STX12: variants seen among roughly 807,000 people sequenced by gnomAD.
STX12 encodes syntaxin 12.
In STX12, 17 loss-of-function variants were observed where a neutral mutation model predicts 42.2. The observed-to-expected ratio is 0.40, with a 90% CI of 0.28 to 0.60. STX12 has a LOEUF of 0.60. Among genes scored for constraint, STX12 ranks in the 20% least tolerant of loss-of-function variants. The pLI, the probability that STX12 is intolerant of heterozygous loss-of-function variation, is 0.39. For synonymous variants in STX12, 108 were observed against 116.7 expected (o/e 0.93, Z 0.48); for missense variants, 297 against 330.9 (o/e 0.90, Z 0.79).
rs1182966230 is a variant in STX12 at position 27,824,001 on chromosome 1, A to G, written c.*1672A>G. ...AAGGCTGAGGCGGGAGGATCAGTATATCGGTACGTCTGAGCCCAAGAGTTC... is the reference window on the plus strand; with the variant it reads ...AAGGCTGAGGCGGGAGGATCAGTATGTCGGTACGTCTGAGCCCAAGAGTTC... On this transcript the variant is annotated 3_prime_UTR_variant, in exon 9 of 9. Transcript: ENST00000373943. 6.6e-6 allele frequency: 1 copy of G among 152,072 alleles called. No homozygotes were observed. Among genetic ancestry groups the G allele is most frequent in the Non-Finnish European group, 1.5e-5 (1 of 68,026 alleles). 9.4% of individuals were successfully genotyped at this position (152,072 alleles called of 1,614,324 possible).
chr1:27,782,205 T>A (rs2088671919), intron 1 of STX12, among the ~76,000 whole-genome samples: 1 of 152,094 alleles, frequency 6.6e-6, no homozygotes, highest in African/African-American at 2.4e-5. Context: ...ACTCAAGGGA[T>A]CCCCCCACCT....
intron 4 of STX12, among the ~76,000 whole-genome samples, chr1:27,803,154 G>C (rs2148603932): frequency 1.3e-5 from 2 of 152,230 alleles, no homozygotes; most frequent in South Asian, 4.1e-4. Context: ...GAACAGAGGT[G>C]ATATTTGAAG....
At chr1:27,802,898 G>A (rs1344311564) in intron 4 of STX12, among the ~76,000 whole-genome samples, 1 of 151,974 alleles carries the variant, frequency 6.6e-6, no homozygotes, top group Non-Finnish European at 1.5e-5. Context: ...ACCTCTGCAG[G>A]AAACTACACA....
At position 27,773,902 on chromosome 1, in the gene STX12, A is replaced by G. The variant is rs1571512844; in HGVS notation, c.118+477A>G. The G allele has an allele frequency of 1.8e-5, 3 of 162,192 alleles. No individual in the cohort carries two copies. In the East Asian group the frequency reaches 5.2e-4, roughly 28 times the overall value. 10.0% of individuals were successfully genotyped at this position (162,192 alleles called of 1,614,324 possible). On this transcript the variant is annotated intron_variant, in intron 1 of 8. Transcript: ENST00000373943. Reference sequence around the variant, plus strand: ...GCTCCTCGGAAATCAGCAACTTTCAATTAAGGGAAGTGGAGAGTGCATGTG... The same window carrying G: ...GCTCCTCGGAAATCAGCAACTTTCAGTTAAGGGAAGTGGAGAGTGCATGTG...
chr1:27,811,340 C>G (rs893262423), intron 5 of STX12, among the ~76,000 whole-genome samples: 15 of 150,246 alleles, frequency 1.0e-4, no homozygotes, highest in African/African-American at 2.7e-4. Flanking sequence ...CATGGTGGCT[C>G]AAGCCTGTAA....
rs1388028967 is a variant in STX12 at position 27,813,240 on chromosome 1, A to G, written c.576+972A>G. ...GCCCAGGCAGGAGTGCAATGACACTATCTCAGCTTACTGCAGCCTCCCTCT... is the reference window on the plus strand; with the variant it reads ...GCCCAGGCAGGAGTGCAATGACACTGTCTCAGCTTACTGCAGCCTCCCTCT... On this transcript the variant is annotated intron_variant, in intron 6 of 8. Coordinates refer to ENST00000373943, the MANE Select transcript of STX12 (RefSeq NM_177424.3). 2.7e-5 allele frequency among the ~76,000 whole-genome samples: 4 copies of G among 150,782 alleles called. No individual in the cohort carries two copies. In the East Asian group the frequency reaches 5.9e-4, roughly 22 times the overall value.
intron 1 of STX12, among the ~76,000 whole-genome samples, chr1:27,778,106 T>C (rs1014941011): frequency 6.6e-6 from 1 of 152,196 alleles, no homozygotes; most frequent in Non-Finnish European, 1.5e-5. Flanking sequence ...CAAGGACTTG[T>C]ACCCATTAAA....
intron 1 of STX12, 44 bp downstream of exon 1, chr1:27,773,469 A>T: frequency 6.3e-7 from 1 of 1,582,660 alleles, no homozygotes. Context: ...TGTCCCGGGG[A>T]CAGGCCTGGG....
At chr1:27,811,998 G>A (rs764071809) in intron 5 of STX12, 165 bp from the exon 6 acceptor site, 24 of 690,634 alleles carry the variant, frequency 3.5e-5, no homozygotes, top group Non-Finnish European at 5.9e-5. Context: ...TCAGCTCTTT[G>A]CTTCTGGATA....
chr1:27,789,092 C>G (rs763623519), intron 1 of STX12, among the ~76,000 whole-genome samples: 1 of 152,090 alleles, frequency 6.6e-6, no homozygotes, highest in Non-Finnish European at 1.5e-5. Flanking sequence ...GTATACAAAG[C>G]TCTTAGTATA....
chr1:27,806,882 A>C (rs2088865761), intron 4 of STX12, among the ~76,000 whole-genome samples: 1 of 152,128 alleles, frequency 6.6e-6, no homozygotes, highest in Non-Finnish European at 1.5e-5. Flanking sequence ...GAAATACCAG[A>C]CACTTACCAA....
intron 5 of STX12, among the ~76,000 whole-genome samples, chr1:27,811,554 C>G (rs1057144088): frequency 6.6e-6 from 1 of 151,846 alleles, no homozygotes; most frequent in African/African-American, 2.4e-5. Flanking sequence ...CCAGGTTGGT[C>G]TTGAACTCCT....
chr1:27,814,990 A>G (rs907046937), intron 6 of STX12, among the ~76,000 whole-genome samples: 3 of 152,224 alleles, frequency 2.0e-5, no homozygotes, highest in Non-Finnish European at 4.4e-5. Context: ...ACAGTGTAAC[A>G]GTATTTTATA....
At chr1:27,812,747 A>G (rs1219121319) in intron 6 of STX12, among the ~76,000 whole-genome samples, 2 of 151,924 alleles carry the variant, frequency 1.3e-5, no homozygotes, top group African/African-American at 4.8e-5. Flanking sequence ...GGCATGAACT[A>G]CTGTTATAAT....
chr1:27,794,129 G>A (rs2088768509), intron 3 of STX12, among the ~76,000 whole-genome samples: 1 of 151,878 alleles, frequency 6.6e-6, no homozygotes, highest in African/African-American at 2.4e-5. Flanking sequence ...GGCTCAAGCA[G>A]TCCCCTCCCC....
chr1:27,800,978 G>A (rs2088823869), intron 3 of STX12, among the ~76,000 whole-genome samples: 1 of 152,156 alleles, frequency 6.6e-6, no homozygotes, highest in South Asian at 2.1e-4. Context: ...TAGATGAATA[G>A]GGTTTTAACA....
rs1164967043 is a variant in STX12, at chr1:27,814,813, TG to T, written c.576+2547del. Among the ~76,000 whole-genome samples, 5 of 140,104 alleles carry T rather than the reference TG, an allele frequency of 3.6e-5. No homozygotes were observed. In the Admixed American group the frequency reaches 3.8e-4, roughly 11 times the overall value. 91.9% of individuals were successfully genotyped at this position (140,104 alleles called of 152,430 possible). A position where few individuals can be genotyped will look rare whatever the true frequency, so the allele number is the denominator to read the frequency against. ...TGCAGTGAGCAATTGCACTCCAGCC[TG>T]GCAACAGAGCGAGACTCTGTCTCAA... On this transcript the variant is annotated intron_variant, in intron 6 of 8. Transcript: ENST00000373943.
At chr1:27,791,010 C>T (rs1364228147) in intron 2 of STX12, among the ~76,000 whole-genome samples, 2 of 152,092 alleles carry the variant, frequency 1.3e-5, no homozygotes, top group Admixed American at 6.5e-5. Context: ...CCTGTAATCC[C>T]AGCGCTTTGG....
At chr1:27,821,517 G>A (rs2088984245) in intron 8 of STX12, among the ~76,000 whole-genome samples, 1 of 150,490 alleles carries the variant, frequency 6.6e-6, no homozygotes, top group Admixed American at 6.6e-5. Context: ...AAATGTTGAC[G>A]GTATTATCTA....
Sources: allele counts gnomAD v4.1 joint callset (sites outside exome capture counted in the v4.1 genomes callset), GRCh38; gene constraint gnomAD v4.1.1; transcripts MANE v1.5; gene names NCBI Gene and HGNC (gene_info 2026-07-23, HGNC 2026-07-21).